The following FSTL5 variants were observed in gnomAD, a reference collection of about 807,000 sequenced individuals.
FSTL5 encodes the protein follistatin like 5, also known as follistatin-related protein 5.
In FSTL5, 62 loss-of-function variants were observed where a neutral mutation model predicts 89.1. The observed-to-expected ratio is 0.70, with a 90% CI of 0.57 to 0.86. FSTL5 has a LOEUF of 0.86. FSTL5 is among the 40% of genes least tolerant of loss of function. The pLI, the probability that FSTL5 is intolerant of heterozygous loss-of-function variation, is 0.00. For missense variants in FSTL5, 1,057 were observed against 1,001.6 expected, an observed-to-expected ratio of 1.06 and a Z score of -0.75; for synonymous variants, 383 against 346.2, an observed-to-expected ratio of 1.11 and a Z score of -1.18.
At chr4:161,863,226 C>A (rs1731973547) in intron 4 of FSTL5, among the ~76,000 whole-genome samples, 1 of 152,130 alleles carries the variant, frequency 6.6e-6, no homozygotes, top group African/African-American at 2.4e-5. Flanking sequence ...GGCAAATGAT[C>A]TTGTTAGATG....
At chr4:161,416,659 A>G (rs1393632836) in intron 15 of FSTL5, among the ~76,000 whole-genome samples, 2 of 152,094 alleles carry the variant, frequency 1.3e-5, no homozygotes, top group Non-Finnish European at 2.9e-5. Flanking sequence ...CCTGGCTAAC[A>G]TGGTAAAACC....
intron 4 of FSTL5, among the ~76,000 whole-genome samples, chr4:161,849,161 C>T (rs1731472882): frequency 6.6e-6 from 1 of 152,034 alleles, no homozygotes; most frequent in Non-Finnish European, 1.5e-5. Context: ...TTTTCCTGGG[C>T]AAATCTTTAA....
At chr4:161,392,234 A>AT (rs5863458) in intron 15 of FSTL5, among the ~76,000 whole-genome samples, 139,682 of 149,026 alleles carry the variant, frequency 0.94, 65,944 homozygotes, top group South Asian at 1. Context: ...ATTTTAATTA[A>AT]TTTTTTTTTT....
chr4:161,992,928 G>GTA (rs1273969497), intron 3 of FSTL5, among the ~76,000 whole-genome samples: 15 of 7,768 alleles, frequency 1.9e-3, no homozygotes, highest in African/African-American at 2.9e-3. Context: ...ATATATATGT[G>GTA]TGTATATATA....
chr4:161,970,379 C>T (rs1358306847), intron 3 of FSTL5, among the ~76,000 whole-genome samples: 1 of 151,978 alleles, frequency 6.6e-6, no homozygotes, highest in Non-Finnish European at 1.5e-5. Context: ...TTCTGAATAT[C>T]AGTAAGAGTT....
At chr4:161,776,566 T>C (rs912577772) in intron 4 of FSTL5, among the ~76,000 whole-genome samples, 4 of 151,896 alleles carry the variant, frequency 2.6e-5, no homozygotes, top group Non-Finnish European at 5.9e-5. Context: ...TATATGTATA[T>C]ATACATATGA....
At chr4:162,033,784 C>T (rs1021982625) in intron 2 of FSTL5, 126 bp from the exon 3 acceptor site, 1 of 542,752 alleles carries the variant, frequency 1.8e-6, no homozygotes, top group Non-Finnish European at 3.2e-6. Flanking sequence ...ATGATTCTCG[C>T]CTTTAAAAAA....
intron 10 of FSTL5, among the ~76,000 whole-genome samples, chr4:161,536,201 C>T (rs538643726): frequency 2.0e-4 from 31 of 152,038 alleles, no homozygotes; most frequent in African/African-American, 7.2e-4. Context: ...GAAATATACC[C>T]ATGTAACACA....
chr4:162,161,401 T>C (rs1369925356), intron 1 of FSTL5, among the ~76,000 whole-genome samples: 1 of 151,912 alleles, frequency 6.6e-6, no homozygotes, highest in East Asian at 1.9e-4. Flanking sequence ...ATGATGGGAA[T>C]CTAATTTTAC....
intron 4 of FSTL5, among the ~76,000 whole-genome samples, chr4:161,878,873 G>A (rs926702258): frequency 9.2e-5 from 14 of 152,092 alleles, no homozygotes; most frequent in African/African-American, 3.4e-4. Flanking sequence ...TCCATCCATT[G>A]TTTAATATGA....
At chr4:161,694,210 A>G (rs1478539728) in intron 6 of FSTL5, among the ~76,000 whole-genome samples, 1 of 152,122 alleles carries the variant, frequency 6.6e-6, no homozygotes, top group Non-Finnish European at 1.5e-5. Flanking sequence ...TTCTTTTTAA[A>G]TGTAGATATT....
At chr4:161,684,890 C>G (rs994350343) in intron 6 of FSTL5, among the ~76,000 whole-genome samples, 2 of 152,070 alleles carry the variant, frequency 1.3e-5, no homozygotes, top group South Asian at 4.1e-4. Context: ...AGTTTCAGGT[C>G]TTAGATTTAA....
chr4:162,101,561 C>G (rs1464518179), intron 2 of FSTL5, among the ~76,000 whole-genome samples: 1 of 152,128 alleles, frequency 6.6e-6, no homozygotes, highest in Non-Finnish European at 1.5e-5. Context: ...CTCTGCCTCT[C>G]AGGCTCTCAG....
At chr4:161,669,386 C>T (rs956799702) in intron 6 of FSTL5, among the ~76,000 whole-genome samples, 3 of 151,960 alleles carry the variant, frequency 2.0e-5, no homozygotes, top group Non-Finnish European at 4.4e-5. Context: ...TACCTGACTT[C>T]AAGAGTTGCT....
At position 162,015,567 on chromosome 4, in the gene FSTL5, TG is replaced by T. The variant is rs199525741; in HGVS notation, c.160+18057del. ...AAGAACCTTGCAGTGTAATGGGATA[TG>T]GGGGGTGATGGATAATTTCAGATTA... On this transcript the variant is annotated intron_variant, in intron 3 of 15. Transcript: ENST00000306100. Among the ~76,000 whole-genome samples the T allele has an allele frequency of 6.8e-3, 1,031 of 152,122 alleles. 10 individuals carry two copies. The highest frequency in any genetic ancestry group is 0.024 in the African/African-American group (984 of 41,490).
intron 3 of FSTL5, among the ~76,000 whole-genome samples, chr4:161,976,117 CA>C (rs371745777): frequency 0.047 from 3,053 of 65,336 alleles, 29 homozygotes; most frequent in African/African-American, 0.099. Flanking sequence ...GACTCCGCCT[CA>C]AAAAAAAAAA....
At chr4:161,580,367 C>A (rs1208977004) in intron 8 of FSTL5, among the ~76,000 whole-genome samples, 1 of 152,144 alleles carries the variant, frequency 6.6e-6, no homozygotes, top group Non-Finnish European at 1.5e-5. Context: ...AAGTGAAGAA[C>A]TTTAAATTTA....
At chr4:162,033,215 C>A (rs1737604571) in intron 3 of FSTL5, among the ~76,000 whole-genome samples, 2 of 152,110 alleles carry the variant, frequency 1.3e-5, no homozygotes, top group African/African-American at 4.8e-5. Flanking sequence ...TAAATATGTT[C>A]TAGCCTTTTT....
At chr4:161,431,071 A>G (rs1388585557) in intron 15 of FSTL5, among the ~76,000 whole-genome samples, 1 of 152,202 alleles carries the variant, frequency 6.6e-6, no homozygotes, top group African/African-American at 2.4e-5. Context: ...CAGTTATCTG[A>G]TCTGAAATGA....
Sources: gnomAD v4.1 joint callset for allele counts (sites outside exome capture counted in the v4.1 genomes callset) on GRCh38, gnomAD v4.1.1 for gene constraint, MANE v1.5 for transcripts, NCBI Gene and HGNC (gene_info 2026-07-23, HGNC 2026-07-21) for gene names.